MAGI2: variants seen among roughly 807,000 people sequenced by gnomAD.
MAGI2 encodes membrane-associated guanylate kinase, WW and PDZ domain-containing protein 2.
A neutral mutation model predicts 133.3 loss-of-function variants in MAGI2; 35 were observed. That is an observed-to-expected ratio of 0.26 (90% CI 0.20 to 0.35). The LOEUF (loss-of-function observed/expected upper bound fraction) is 0.35, where lower values mean the gene tolerates loss of function less well. Among genes scored for constraint, MAGI2 ranks in the 10% least tolerant of loss-of-function variants. MAGI2 has a pLI of 1.00. For missense variants in MAGI2, 1,636 were observed against 1,863.4 expected (o/e 0.88, Z 2.25); for synonymous variants, 729 against 710.6 (o/e 1.03, Z -0.41).
intron 1 of MAGI2, among the ~76,000 whole-genome samples, chr7:79,408,604 T>G (rs1845959688): frequency 6.6e-6 from 1 of 152,074 alleles, no homozygotes; most frequent in African/African-American, 2.4e-5. Context: ...GTGCAATATG[T>G]GCATCAAAAG....
chr7:78,780,282 A>T (rs1826292896), intron 2 of MAGI2, among the ~76,000 whole-genome samples: 1 of 152,218 alleles, frequency 6.6e-6, no homozygotes. Context: ...AAAGATATGC[A>T]CAAATGTCTC....
At chr7:79,286,038 C>T (rs1399500700) in intron 1 of MAGI2, among the ~76,000 whole-genome samples, 1 of 151,970 alleles carries the variant, frequency 6.6e-6, no homozygotes, top group African/African-American at 2.4e-5. Context: ...AACTATAAGG[C>T]TGATCTGGAA....
intron 2 of MAGI2, among the ~76,000 whole-genome samples, chr7:78,886,913 T>C (rs1482028912): frequency 2.0e-5 from 3 of 150,912 alleles, no homozygotes; most frequent in Non-Finnish European, 4.4e-5. Context: ...ATGGGGGGAG[T>C]CCCCACCATG....
intron 10 of MAGI2, among the ~76,000 whole-genome samples, chr7:78,215,791 G>A (rs566198356): frequency 6.6e-6 from 1 of 152,172 alleles, no homozygotes; most frequent in East Asian, 1.9e-4. Flanking sequence ...TTAATGAGTT[G>A]AGTGAACATA....
intron 9 of MAGI2, among the ~76,000 whole-genome samples, chr7:78,258,507 G>T (rs1793218716): frequency 2.0e-5 from 3 of 151,912 alleles, no homozygotes; most frequent in African/African-American, 4.8e-5. Context: ...CCCCCAACTT[G>T]CACTCCTTTA....
intron 2 of MAGI2, among the ~76,000 whole-genome samples, chr7:78,930,596 A>C (rs1800039239): frequency 6.6e-6 from 1 of 152,226 alleles, no homozygotes; most frequent in African/African-American, 2.4e-5. Context: ...ACATGTACTC[A>C]CTGAAGAGTA....
chr7:78,437,161 A>G (rs892318421), intron 6 of MAGI2, among the ~76,000 whole-genome samples: 1 of 152,134 alleles, frequency 6.6e-6, no homozygotes, highest in African/African-American at 2.4e-5. Flanking sequence ...CAGTGAGAAC[A>G]TTCTCGTGGT....
At chr7:78,897,869 C>T (rs1489641278) in intron 2 of MAGI2, among the ~76,000 whole-genome samples, 4 of 152,160 alleles carry the variant, frequency 2.6e-5, no homozygotes, top group Admixed American at 2.0e-4. Context: ...TCTAATTAAA[C>T]TTAAGGCTTC....
chr7:78,141,665 G>T (rs770784691), intron 16 of MAGI2, among the ~76,000 whole-genome samples: 5 of 152,138 alleles, frequency 3.3e-5, no homozygotes, highest in Non-Finnish European at 7.3e-5. Context: ...AAATCAAACA[G>T]CTGGTGTTTT....
At chr7:78,952,374 T>C (rs1426120651) in intron 2 of MAGI2, among the ~76,000 whole-genome samples, 1 of 152,172 alleles carries the variant, frequency 6.6e-6, no homozygotes, top group African/African-American at 2.4e-5. Context: ...CTGCTTTTTC[T>C]TTTCTGTCTC....
intron 2 of MAGI2, among the ~76,000 whole-genome samples, chr7:78,791,374 T>A (rs1275438786): frequency 6.6e-6 from 1 of 152,134 alleles, no homozygotes; most frequent in African/African-American, 2.4e-5. Context: ...GGCATTATTA[T>A]TAATGGTATA....
chr7:79,006,769 GA>G, intron 2 of MAGI2: 2 of 206,862 alleles, frequency 9.7e-6, no homozygotes, highest in Non-Finnish European at 1.9e-5. Context: ...TCCCAATGTG[GA>G]GTTCTATCTC....
At chr7:78,480,106 C>T (rs1792198462) in intron 6 of MAGI2, among the ~76,000 whole-genome samples, 1 of 151,702 alleles carries the variant, frequency 6.6e-6, no homozygotes, top group Non-Finnish European at 1.5e-5. Flanking sequence ...TGAACCAATT[C>T]CTATAAAACT....
At chr7:79,375,954 C>T (rs945981664) in intron 1 of MAGI2, among the ~76,000 whole-genome samples, 1 of 151,732 alleles carries the variant, frequency 6.6e-6, no homozygotes, top group Non-Finnish European at 1.5e-5. Flanking sequence ...GCATAACAAT[C>T]GTATTGTTGG....
intron 9 of MAGI2, among the ~76,000 whole-genome samples, chr7:78,276,412 A>G (rs1462275560): frequency 6.6e-6 from 1 of 152,096 alleles, no homozygotes; most frequent in Admixed American, 6.6e-5. Flanking sequence ...AAATCTGACA[A>G]TGCATCTACT....
intron 2 of MAGI2, among the ~76,000 whole-genome samples, chr7:78,663,202 CT>C (rs35544274): frequency 0.4 from 43,945 of 109,168 alleles, 8,560 homozygotes; most frequent in East Asian, 0.62. Flanking sequence ...TGTACCAACT[CT>C]TTTTTTTTTT....
At chr7:78,041,349 G>C (rs1810817830) in intron 21 of MAGI2, among the ~76,000 whole-genome samples, 1 of 152,148 alleles carries the variant, frequency 6.6e-6, no homozygotes, top group Non-Finnish European at 1.5e-5. Flanking sequence ...CCTCTAGTCA[G>C]CTTGCTGCAA....
intron 14 of MAGI2, chr7:78,170,540 C>T (rs1195628248): frequency 2.6e-5 from 4 of 152,096 alleles, no homozygotes; most frequent in Admixed American, 2.0e-4. Flanking sequence ...AAAATCACTA[C>T]CCTATAGAGC....
chr7:79,221,944 T>C (rs1830473646), intron 1 of MAGI2, among the ~76,000 whole-genome samples: 1 of 152,148 alleles, frequency 6.6e-6, no homozygotes, highest in South Asian at 2.1e-4. Flanking sequence ...TTAAAGATAA[T>C]TTTTATGCTA....
Sources: allele counts gnomAD v4.1 joint callset (sites outside exome capture counted in the v4.1 genomes callset), GRCh38; gene constraint gnomAD v4.1.1; transcripts MANE v1.5; gene names NCBI Gene and HGNC (gene_info 2026-07-23, HGNC 2026-07-21).